IDE: variants seen among roughly 807,000 people sequenced by gnomAD.
IDE encodes insulin-degrading enzyme.
IDE carries 58 observed loss-of-function variants against 133.2 expected under a neutral mutation model. The ratio of observed to expected loss-of-function variants is 0.44; its 90% CI spans 0.35 to 0.54. The LOEUF is 0.54. IDE is among the 20% of genes least tolerant of loss of function. The pLI, the probability that IDE is intolerant of heterozygous loss-of-function variation, is 0.00. For missense variants in IDE, 981 were observed against 1,234.0 expected (o/e 0.79, Z 3.07); for synonymous variants, 396 against 421.3 (o/e 0.94, Z 0.73).
intron 5 of IDE, among the ~76,000 whole-genome samples, chr10:92,512,057 A>C (rs1289149575): frequency 2.0e-5 from 3 of 152,226 alleles, no homozygotes; most frequent in Non-Finnish European, 2.9e-5. Context: ...CTCCCCAGAC[A>C]TCAGGGAACT....
chr10:92,541,348 G>T, intron 1 of IDE: 1 of 470,560 alleles, frequency 2.1e-6, no homozygotes, highest in Non-Finnish European at 4.4e-6. Context: ...CTCTGATGAT[G>T]AATTCATCAA....
At chr10:92,536,752 G>A (rs1842030124) in intron 2 of IDE, among the ~76,000 whole-genome samples, 1 of 142,812 alleles carries the variant, frequency 7.0e-6, no homozygotes, top group Non-Finnish European at 1.5e-5. Context: ...ATGAAATATG[G>A]TATTAGGCCA....
intron 1 of IDE, among the ~76,000 whole-genome samples, chr10:92,539,687 C>T (rs1389074632): frequency 6.6e-6 from 1 of 152,040 alleles, no homozygotes; most frequent in African/African-American, 2.4e-5. Flanking sequence ...TCGCTTCAAC[C>T]CGGGAGGCAA....
intron 11 of IDE, among the ~76,000 whole-genome samples, chr10:92,491,881 G>A (rs201806557): frequency 6.6e-6 from 1 of 152,140 alleles, no homozygotes; most frequent in East Asian, 1.9e-4. Flanking sequence ...AAAGTGCTGG[G>A]ATTACAGGTG....
intron 7 of IDE, among the ~76,000 whole-genome samples, 166 bp from the exon 8 acceptor site, chr10:92,508,371 G>T (rs1848409206): frequency 6.6e-6 from 1 of 152,100 alleles, no homozygotes; most frequent in Non-Finnish European, 1.5e-5. Context: ...TTAAGATGGT[G>T]CAGAAGTGGG....
At position 92,463,839 on chromosome 10, in the gene IDE, G is replaced by A; in HGVS notation, c.2653C>T (p.His885Tyr). The A allele has an allele frequency of 6.2e-7, 1 of 1,614,156 alleles. No homozygotes were observed. Among genetic ancestry groups the A allele is most frequent in the Non-Finnish European group, 8.5e-7 (1 of 1,179,986 alleles). ...EDMTEEAFQK[H>Y]IQALAIRRLD... ...CGACGAATTGCTAATGCCTGAATGT[G>A]TTTTTGGAAGGCCTCTTCTGTCATG... Residue 885 changes from histidine (H) to tyrosine (Y), a missense_variant, in exon 21 of 25, where the codon CAC becomes TAC. Transcript: ENST00000265986.
chr10:92,490,487 C>A lies in IDE; in HGVS notation c.1533+6G>T, dbSNP rs200033956. ...TCAGGCTTATTCATAGATGAGTTAACCCTACCTTGATGACTTCATCCGGTA... is the reference window on the plus strand; with the variant it reads ...TCAGGCTTATTCATAGATGAGTTAAACCTACCTTGATGACTTCATCCGGTA... On this transcript the variant is annotated splice_donor_region_variant and intron_variant, in intron 12 of 24. Transcript: ENST00000265986. 2 of 1,535,626 alleles carry A rather than the reference C, an allele frequency of 1.3e-6. No individual in the cohort carries two copies. The highest frequency in any genetic ancestry group is 2.2e-5 in the South Asian group (2 of 89,040).
At chr10:92,510,835 CATATCACACATATGATATATATCACATAT>C (rs1564635781) in intron 5 of IDE, among the ~76,000 whole-genome samples, 8 of 149,404 alleles carry the variant, frequency 5.4e-5, no homozygotes, top group Non-Finnish European at 1.2e-4. Flanking sequence ...ATAGCACATA[CATATCACACATATGATATATATCACATAT>C]ATATCACATA....
At chr10:92,458,257 TG>T (rs1241270347) in intron 22 of IDE, among the ~76,000 whole-genome samples, 1 of 152,134 alleles carries the variant, frequency 6.6e-6, no homozygotes, top group African/African-American at 2.4e-5. Flanking sequence ...GTTTAGAAAA[TG>T]TTAGTCAAAA....
At chr10:92,524,375 T>TAA (rs1849431967) in intron 4 of IDE, among the ~76,000 whole-genome samples, 1 of 14,378 alleles carries the variant, frequency 7.0e-5, no homozygotes, top group Admixed American at 9.8e-4. Context: ...ATAATATATA[T>TAA]TATATATAAT....
At chr10:92,545,612 C>T (rs1379004607) in intron 1 of IDE, among the ~76,000 whole-genome samples, 1 of 152,204 alleles carries the variant, frequency 6.6e-6, no homozygotes, top group Non-Finnish European at 1.5e-5. Flanking sequence ...GAAGATCATG[C>T]TTGCCCTAAG....
chr10:92,509,981 C>A, intron 6 of IDE, 69 bp downstream of exon 6: 5 of 642,094 alleles, frequency 7.8e-6, no homozygotes, highest in Non-Finnish European at 1.3e-5. Flanking sequence ...TTCACCTGTT[C>A]TATGGTAAAC....
At chr10:92,508,232 G>GT in intron 7 of IDE, 27 bp from the exon 8 acceptor site, 2 of 1,522,974 alleles carry the variant, frequency 1.3e-6, no homozygotes, top group East Asian at 2.2e-5. Flanking sequence ...AAATCAATAC[G>GT]ATTGATTGCA....
At chr10:92,463,412 T>C (rs1845501791) in intron 21 of IDE, among the ~76,000 whole-genome samples, 1 of 152,156 alleles carries the variant, frequency 6.6e-6, no homozygotes, top group Non-Finnish European at 1.5e-5. Flanking sequence ...TTATGGGAAA[T>C]AGATACTTAG....
chr10:92,564,207 A>G (rs1288798589), intron 1 of IDE, among the ~76,000 whole-genome samples: 1 of 152,204 alleles, frequency 6.6e-6, no homozygotes, highest in African/African-American at 2.4e-5. Context: ...GAGAACCAGG[A>G]AACAGATCCA....
At chr10:92,461,124 G>T in intron 22 of IDE, 67 bp downstream of exon 22, 1 of 770,500 alleles carries the variant, frequency 1.3e-6, no homozygotes, top group South Asian at 1.5e-5. Context: ...TACAGGTGTA[G>T]GCCGCCATAC....
At chr10:92,514,544 C>A (rs1189845596) in intron 5 of IDE, among the ~76,000 whole-genome samples, 1 of 151,948 alleles carries the variant, frequency 6.6e-6, no homozygotes, top group South Asian at 2.1e-4. Flanking sequence ...TGGGCTCAAG[C>A]GATCTTCAGC....
intron 17 of IDE, among the ~76,000 whole-genome samples, chr10:92,471,061 T>C (rs1845938854): frequency 6.6e-6 from 1 of 152,348 alleles, no homozygotes; most frequent in East Asian, 1.9e-4. Context: ...TTGGGAAAAG[T>C]AAATGAGATT....
At chr10:92,558,181 T>G (rs1184570467) in intron 1 of IDE, among the ~76,000 whole-genome samples, 1 of 152,082 alleles carries the variant, frequency 6.6e-6, no homozygotes, top group Non-Finnish European at 1.5e-5. Context: ...GTCTCCTGAG[T>G]AGCTGGGATT....
Sources: gnomAD v4.1 joint callset for allele counts (sites outside exome capture counted in the v4.1 genomes callset) on GRCh38, gnomAD v4.1.1 for gene constraint, MANE v1.5 for transcripts, NCBI Gene and HGNC (gene_info 2026-07-23, HGNC 2026-07-21) for gene names.